The following B3GALT1 variants were observed in gnomAD, a reference collection of about 807,000 sequenced individuals.
B3GALT1 encodes the protein beta-1,3-galactosyltransferase 1.
B3GALT1 carries 10 observed loss-of-function variants against 23.2 expected under a neutral mutation model. That is an observed-to-expected ratio of 0.43 (90% CI 0.27 to 0.73). B3GALT1 has a LOEUF of 0.73. Among genes scored for constraint, B3GALT1 ranks in the 30% least tolerant of loss-of-function variants. B3GALT1 has a pLI of 0.21. For missense variants in B3GALT1, 299 were observed against 405.4 expected (o/e 0.74, Z 2.25); for synonymous variants, 156 against 141.5 (o/e 1.10, Z -0.73).
At chr2:167,338,928 C>T (rs1697104025) in intron 1 of B3GALT1, among the ~76,000 whole-genome samples, 1 of 151,962 alleles carries the variant, frequency 6.6e-6, no homozygotes, top group Non-Finnish European at 1.5e-5. Context: ...AATGAGATGT[C>T]AGTATAATTA....
chr2:167,520,864 C>T (rs770913582), intron 2 of B3GALT1, among the ~76,000 whole-genome samples: 4 of 152,176 alleles, frequency 2.6e-5, no homozygotes, highest in African/African-American at 9.6e-5. Flanking sequence ...GTTGGCTCAA[C>T]GTTTACTTTT....
intron 2 of B3GALT1, among the ~76,000 whole-genome samples, chr2:167,611,976 G>C (rs1394532442): frequency 6.6e-6 from 1 of 152,012 alleles, no homozygotes; most frequent in Non-Finnish European, 1.5e-5. Context: ...TTGAAAAAGA[G>C]AACAAGTGGC....
chr2:167,720,147 T>C (rs1371503516), intron 3 of B3GALT1, among the ~76,000 whole-genome samples: 1 of 152,220 alleles, frequency 6.6e-6, no homozygotes, highest in Admixed American at 6.5e-5. Context: ...ACTCTAGAGA[T>C]AAAGCAGGAT....
chr2:167,417,058 G>A (rs1698483259), intron 1 of B3GALT1, among the ~76,000 whole-genome samples: 1 of 152,130 alleles, frequency 6.6e-6, no homozygotes, highest in African/African-American at 2.4e-5. Context: ...GGGATGGAAT[G>A]AATATATTTA....
chr2:167,401,175 CAATT>C lies in B3GALT1; in HGVS notation c.-510-88999_-510-88996del, dbSNP rs757668723. On this transcript the variant is annotated intron_variant, in intron 1 of 4. Transcript: ENST00000392690. ...GTCACTTTAAATTACCAGAGAGTCT[CAATT>C]AAGTAATTAAAATAGTTTGATCACA... 9.2e-5 allele frequency among the ~76,000 whole-genome samples: 14 copies of C among 152,128 alleles called. No homozygotes were observed. In the East Asian group the frequency reaches 1.9e-3, roughly 21 times the overall value.
At chr2:167,462,645 T>A (rs568994525) in intron 1 of B3GALT1, among the ~76,000 whole-genome samples, 30 of 152,238 alleles carry the variant, frequency 2.0e-4, no homozygotes, top group African/African-American at 7.0e-4. Context: ...CATTCAAAGG[T>A]TGGTGTAATT....
intron 1 of B3GALT1, among the ~76,000 whole-genome samples, chr2:167,462,457 C>T (rs2105326261): frequency 6.6e-6 from 1 of 152,230 alleles, no homozygotes; most frequent in South Asian, 2.1e-4. Context: ...TTATCCTTTC[C>T]CTGGACTACA....
intron 1 of B3GALT1, among the ~76,000 whole-genome samples, chr2:167,476,773 A>G (rs1699492919): frequency 6.6e-6 from 1 of 152,218 alleles, no homozygotes; most frequent in African/African-American, 2.4e-5. Context: ...ATCATCTATA[A>G]TTTATTCTTA....
chr2:167,682,158 G>C (rs977438737), intron 3 of B3GALT1, among the ~76,000 whole-genome samples: 7 of 151,996 alleles, frequency 4.6e-5, no homozygotes, highest in Middle Eastern at 3.4e-3. Context: ...TGCTTAGACT[G>C]TTGCATCCTC....
At chr2:167,762,511 G>A (rs1294461662) in intron 3 of B3GALT1, among the ~76,000 whole-genome samples, 3 of 149,992 alleles carry the variant, frequency 2.0e-5, no homozygotes, top group Non-Finnish European at 4.4e-5. Flanking sequence ...TACCTTAGGA[G>A]TCTTAAGATA....
intron 1 of B3GALT1, among the ~76,000 whole-genome samples, chr2:167,352,652 C>T (rs1394277423): frequency 4.6e-5 from 7 of 151,266 alleles, no homozygotes; most frequent in African/African-American, 4.9e-5. Flanking sequence ...ACCTGGGAGG[C>T]GGAGACTGCA....
chr2:167,535,581 G>GAA (rs536304050), intron 2 of B3GALT1, among the ~76,000 whole-genome samples: 2 of 138,130 alleles, frequency 1.4e-5, no homozygotes, highest in Non-Finnish European at 1.6e-5. Context: ...AAGACAAAAA[G>GAA]AAAAAAAAAA....
chr2:167,835,231 T>C (rs995654212), intron 4 of B3GALT1, among the ~76,000 whole-genome samples: 2 of 152,158 alleles, frequency 1.3e-5, no homozygotes, highest in Non-Finnish European at 2.9e-5. Context: ...GGGCGAGGCA[T>C]TGCCTCACAC....
rs917840130 is a variant in B3GALT1 at position 167,607,535 on chromosome 2, GCACAGGTGCA to G, written c.-409-39369_-409-39360del. On this transcript the variant is annotated intron_variant, in intron 2 of 4. Coordinates refer to ENST00000392690, the MANE Select transcript of B3GALT1 (RefSeq NM_020981.4). ...TGTGTGAGTGTGTGCGTGTGTGTGTGCACAGGTGCACACACGTGCATACACGCAGGCAGGA... is the reference window on the plus strand; with the variant it reads ...TGTGTGAGTGTGTGCGTGTGTGTGTGCACACGTGCATACACGCAGGCAGGA... Among the ~76,000 whole-genome samples the G allele has an allele frequency of 2.1e-4, 32 of 152,212 alleles. No homozygotes were observed. The Middle Eastern group carries it at 0.014, about 65-fold the overall frequency.
intron 3 of B3GALT1, among the ~76,000 whole-genome samples, chr2:167,741,941 G>C (rs1197122412): frequency 6.6e-6 from 1 of 152,100 alleles, no homozygotes; most frequent in Non-Finnish European, 1.5e-5. Context: ...TATACCACAA[G>C]GTATTAATAC....
At chr2:167,540,421 A>G (rs910853975) in intron 2 of B3GALT1, among the ~76,000 whole-genome samples, 1 of 152,200 alleles carries the variant, frequency 6.6e-6, no homozygotes, top group Non-Finnish European at 1.5e-5. Flanking sequence ...TAGATGATTC[A>G]CAAGCATATT....
At chr2:167,607,524 CGT>C (rs768888091) in intron 2 of B3GALT1, among the ~76,000 whole-genome samples, 2 of 151,964 alleles carry the variant, frequency 1.3e-5, no homozygotes, top group Non-Finnish European at 2.9e-5. Flanking sequence ...TGAGTGTGTG[CGT>C]GTGTGTGTGC....
At chr2:167,545,235 C>A (rs1046407292) in intron 2 of B3GALT1, among the ~76,000 whole-genome samples, 18 of 151,766 alleles carry the variant, frequency 1.2e-4, no homozygotes, top group African/African-American at 4.4e-4. Flanking sequence ...CAGGGTTTCA[C>A]TGTGTTAGCC....
In B3GALT1 at chr2:167,410,100, C is replaced by T. The variant is rs1698367136; in HGVS notation, c.-510-80077C>T. ...CACATGGAATACTATGCAGCCATAACAAAGAATGAGTTCATGTCCTTTGCA... is the reference window on the plus strand; with the variant it reads ...CACATGGAATACTATGCAGCCATAATAAAGAATGAGTTCATGTCCTTTGCA... On this transcript the variant is annotated intron_variant, in intron 1 of 4. Coordinates refer to ENST00000392690, the MANE Select transcript of B3GALT1 (RefSeq NM_020981.4). 1.3e-5 allele frequency among the ~76,000 whole-genome samples: 2 copies of T among 152,056 alleles called. 1 individual carries two copies. The highest frequency in any genetic ancestry group is 4.1e-4 in the South Asian group (2 of 4,824).
Sources: gnomAD v4.1 joint callset for allele counts (sites outside exome capture counted in the v4.1 genomes callset) on GRCh38, gnomAD v4.1.1 for gene constraint, MANE v1.5 for transcripts, NCBI Gene and HGNC (gene_info 2026-07-23, HGNC 2026-07-21) for gene names.